INPP5A: variants seen among roughly 807,000 people sequenced by gnomAD.
INPP5A encodes inositol polyphosphate-5-phosphatase A.
INPP5A carries 14 observed loss-of-function variants against 65.2 expected under a neutral mutation model. The ratio of observed to expected loss-of-function variants is 0.21; its 90% CI spans 0.14 to 0.34. The LOEUF (loss-of-function observed/expected upper bound fraction) is 0.34, where lower values mean the gene tolerates loss of function less well. INPP5A is among the 10% of genes least tolerant of loss of function. INPP5A has a pLI of 1.00. For missense variants in INPP5A, 431 were observed against 545.6 expected (o/e 0.79, Z 2.09); for synonymous variants, 207 against 208.3 (o/e 0.99, Z 0.05).
In INPP5A at chr10:132,603,238, C is replaced by G. The variant is rs372938531; in HGVS notation, c.76-4677C>G. Among the ~76,000 whole-genome samples, 1 of 152,158 alleles carries G rather than the reference C, an allele frequency of 6.6e-6. No homozygotes were observed. The highest frequency in any genetic ancestry group is 2.4e-5 in the African/African-American group (1 of 41,402). On this transcript the variant is annotated intron_variant, in intron 1 of 15. Coordinates refer to ENST00000368594, the MANE Select transcript of INPP5A (RefSeq NM_005539.5). This position sits in a 1 kb window ranked among gnomAD's most constrained non-coding sequence, Gnocchi z 4.2. ...TCTTGGTCTCTCATGTGGGTATTCT[C>G]TATTAGGGGCTGTATAGCAAACACG...
At chr10:132,747,806 T>TG (rs1331702907) in intron 9 of INPP5A, among the ~76,000 whole-genome samples, 1 of 152,242 alleles carries the variant, frequency 6.6e-6, no homozygotes, top group African/African-American at 2.4e-5. Flanking sequence ...CCTAGCACTT[T>TG]GGGAGGCTGA....
chr10:132,574,338 T>C (rs1376407468), intron 1 of INPP5A, among the ~76,000 whole-genome samples: 1 of 146,910 alleles, frequency 6.8e-6, no homozygotes, highest in African/African-American at 2.6e-5. Flanking sequence ...TGGGAGGTTT[T>C]GTTGAGATGT....
At chr10:132,709,463 C>T (rs932911047) in intron 7 of INPP5A, among the ~76,000 whole-genome samples, 10 of 151,906 alleles carry the variant, frequency 6.6e-5, no homozygotes, top group South Asian at 2.1e-4. Context: ...GAGAAGGAGC[C>T]GCGGTCCCGT....
chr10:132,704,475 G>A lies in INPP5A; in HGVS notation c.475-3838G>A, dbSNP rs1845500025. The stretch of plus-strand genomic sequence containing the variant: ...TTGGGTGTGTGCCTGTGTGTTGGAC[G>A]CCAGCCCGCGGCGGCTGCTGGTGCG... On this transcript the variant is annotated intron_variant, in intron 6 of 15. Transcript: ENST00000368594. This position sits in a 1 kb window ranked among gnomAD's most constrained non-coding sequence, Gnocchi z 4.5. Among the ~76,000 whole-genome samples, 1 of 152,222 alleles carries A rather than the reference G, an allele frequency of 6.6e-6. No homozygotes were observed. Among genetic ancestry groups the A allele is most frequent in the Non-Finnish European group, 1.5e-5 (1 of 68,038 alleles).
intron 2 of INPP5A, among the ~76,000 whole-genome samples, chr10:132,636,957 C>T (rs892081374): frequency 2.6e-5 from 4 of 152,116 alleles, no homozygotes; most frequent in Non-Finnish European, 2.9e-5. Context: ...CTCGCTCTGT[C>T]GCCAGGCTGG....
chr10:132,642,854 A>C (rs2072444223), intron 2 of INPP5A, among the ~76,000 whole-genome samples: 1 of 152,228 alleles, frequency 6.6e-6, no homozygotes, highest in South Asian at 2.1e-4. Flanking sequence ...TTTACATGTC[A>C]TAACTCTTCA....
At chr10:132,596,933 ACGCATGTGTG>A (rs1188544412) in intron 1 of INPP5A, among the ~76,000 whole-genome samples, 5 of 6,762 alleles carry the variant, frequency 7.4e-4, no homozygotes, top group Non-Finnish European at 2.0e-3. Flanking sequence ...GCGCATGTGC[ACGCATGTGTG>A]CGTGTGTGCA....
At chr10:132,558,668 T>A (rs1272944043) in intron 1 of INPP5A, among the ~76,000 whole-genome samples, 1 of 152,122 alleles carries the variant, frequency 6.6e-6, no homozygotes, top group Non-Finnish European at 1.5e-5. Flanking sequence ...ACGCTCCAGG[T>A]AGGGAGGCGG....
chr10:132,742,080 G>A (rs770879242), intron 9 of INPP5A, among the ~76,000 whole-genome samples: 5 of 152,212 alleles, frequency 3.3e-5, no homozygotes, highest in Non-Finnish European at 5.9e-5. Context: ...CCTGAGGGGC[G>A]GTTGCTCTGT....
chr10:132,781,407 A>C (rs925590497), intron 14 of INPP5A, among the ~76,000 whole-genome samples: 4 of 152,172 alleles, frequency 2.6e-5, no homozygotes, highest in Non-Finnish European at 4.4e-5. Context: ...GAGACAGATC[A>C]AATCTCATTT....
At chr10:132,714,680 C>A (rs1040188723) in intron 8 of INPP5A, among the ~76,000 whole-genome samples, 2 of 151,932 alleles carry the variant, frequency 1.3e-5, no homozygotes, top group African/African-American at 4.8e-5. Flanking sequence ...ACCTTCGCAC[C>A]GTTGCTCTAA....
chr10:132,640,660 C>T (rs570704447), intron 2 of INPP5A, among the ~76,000 whole-genome samples: 26 of 152,368 alleles, frequency 1.7e-4, no homozygotes, highest in African/African-American at 6.0e-4. Flanking sequence ...TTGTCCTCGG[C>T]GGGAACAGTG....
At chr10:132,614,513 G>A (rs1047716850) in intron 2 of INPP5A, among the ~76,000 whole-genome samples, 2 of 152,198 alleles carry the variant, frequency 1.3e-5, no homozygotes, top group Non-Finnish European at 2.9e-5. Flanking sequence ...GGCTCACCCT[G>A]TGCTGGCCTC....
intron 12 of INPP5A, among the ~76,000 whole-genome samples, chr10:132,767,343 T>TGC (rs1846866538): frequency 2.6e-5 from 1 of 38,652 alleles, no homozygotes; most frequent in Admixed American, 2.7e-4. Flanking sequence ...CTGGAGGATG[T>TGC]GTCCTCAGCT....
intron 1 of INPP5A, among the ~76,000 whole-genome samples, chr10:132,593,304 C>A (rs901248927): frequency 2.0e-5 from 3 of 151,900 alleles, no homozygotes; most frequent in Non-Finnish European, 2.9e-5. Context: ...ATGTGAATGC[C>A]GGGGCGTGGG....
intron 4 of INPP5A, among the ~76,000 whole-genome samples, chr10:132,655,497 G>T (rs1490360227): frequency 6.6e-6 from 1 of 152,238 alleles, no homozygotes; most frequent in African/African-American, 2.4e-5. Flanking sequence ...GGGCACGCAG[G>T]GAGCTCCGAG....
At chr10:132,723,568 G>T (rs1845928962) in intron 8 of INPP5A, among the ~76,000 whole-genome samples, 1 of 148,396 alleles carries the variant, frequency 6.7e-6, no homozygotes, top group Non-Finnish European at 1.5e-5. Context: ...TGTGGGGATT[G>T]GCCATGTGGG....
rs949355200 is a variant in INPP5A, at chr10:132,659,560, A to G, written c.306+9055A>G. 6.6e-6 allele frequency among the ~76,000 whole-genome samples: 1 copy of G among 152,214 alleles called. No individual in the cohort carries two copies. The highest frequency in any genetic ancestry group is 6.5e-5 in the Admixed American group (1 of 15,286). ...CAGCGAGCAGCTCCCATGGCAGTCC[A>G]TTCATTCAACATGCCCTGGTCCAGC... On this transcript the variant is annotated intron_variant, in intron 4 of 15. Transcript: ENST00000368594. The surrounding 1 kb of genome is among the most constrained non-coding windows in gnomAD (Gnocchi z 5.5).
At position 132,551,409 on chromosome 10, in the gene INPP5A, G is replaced by A. The variant is rs534775557; in HGVS notation, c.75+13238G>A. On this transcript the variant is annotated intron_variant, in intron 1 of 15. Transcript: ENST00000368594. This position sits in a 1 kb window ranked among gnomAD's most constrained non-coding sequence, Gnocchi z 5.3. ...GCCTGCAGCGTCCCTCCAGGTGGTC[G>A]GGGGACACCGGGCTTCTGGGTCAGC... Among the ~76,000 whole-genome samples, 13 of 152,286 alleles carry A rather than the reference G, an allele frequency of 8.5e-5. No individual in the cohort carries two copies. The South Asian group carries it at 1.9e-3, about 22-fold the overall frequency.
Sources: allele counts gnomAD v4.1 joint callset (sites outside exome capture counted in the v4.1 genomes callset), GRCh38; gene constraint gnomAD v4.1.1; non-coding constraint Gnocchi (gnomAD v3.1); transcripts MANE v1.5; gene names NCBI Gene and HGNC (gene_info 2026-07-23, HGNC 2026-07-21).